The following CTCF variants were observed in gnomAD, a reference collection of about 807,000 sequenced individuals.
The protein encoded by CTCF is transcriptional repressor CTCF.
A neutral mutation model predicts 72.3 loss-of-function variants in CTCF; 7 were observed. The observed-to-expected ratio is 0.10, with a 90% CI of 0.06 to 0.18. The LOEUF (loss-of-function observed/expected upper bound fraction) is 0.18. Among genes scored for constraint, CTCF ranks in the 10% least tolerant of loss-of-function variants. The probability of loss-of-function intolerance (pLI) is 1.00; values close to 1 mark genes in which losing one functional copy is unlikely to be tolerated. For missense variants in CTCF, 516 were observed against 949.1 expected, an observed-to-expected ratio of 0.54 and a Z score of 6.00; for synonymous variants, 374 against 315.8, an observed-to-expected ratio of 1.18 and a Z score of -1.95.
intron 2 of CTCF, among the ~76,000 whole-genome samples, chr16:67,597,202 CT>C (rs1317919209): frequency 1.3e-5 from 2 of 151,962 alleles, no homozygotes; most frequent in African/African-American, 4.8e-5. Context: ...GCCCAGCTGA[CT>C]TTTTGTATTT....
At chr16:67,592,201 C>T (rs2051754001) in intron 2 of CTCF, among the ~76,000 whole-genome samples, 1 of 152,096 alleles carries the variant, frequency 6.6e-6, no homozygotes, top group African/African-American at 2.4e-5. Context: ...CACCTGAGGT[C>T]AGGAGTTTGA....
At chr16:67,591,985 T>C (rs2051750545) in intron 2 of CTCF, among the ~76,000 whole-genome samples, 1 of 152,108 alleles carries the variant, frequency 6.6e-6, no homozygotes, top group Non-Finnish European at 1.5e-5. Context: ...AGTACTGGGA[T>C]TATATGTGTG....
intron 2 of CTCF, among the ~76,000 whole-genome samples, chr16:67,578,325 CT>C (rs944395345): frequency 0.13 from 11,338 of 84,692 alleles, 581 homozygotes; most frequent in African/African-American, 0.3. Flanking sequence ...GTTTATGTAT[CT>C]TTTTTTTTTT....
intron 5 of CTCF, 60 bp downstream of exon 5, chr16:67,616,938 A>G: frequency 1.3e-6 from 2 of 1,568,140 alleles, no homozygotes; most frequent in Non-Finnish European, 1.8e-6. Context: ...ATTTCAATAC[A>G]AAGCTATAAC....
chr16:67,599,808 T>G (rs796106872), intron 2 of CTCF, among the ~76,000 whole-genome samples: 44 of 152,304 alleles, frequency 2.9e-4, no homozygotes, highest in African/African-American at 8.9e-4. Context: ...TTGGGTATAC[T>G]GGAGTTTCTG....
At position 67,638,228 on chromosome 16, in the gene CTCF, T is replaced by G. The variant is rs2052459268; in HGVS notation, c.*356T>G. ...CAGGCTTCCCAGAGTTCTATGGTCT[T>G]CTTCCCAAGAGAGTTTTTAATTGTA... On this transcript the variant is annotated 3_prime_UTR_variant, in exon 12 of 12. Coordinates refer to ENST00000264010, the MANE Select transcript of CTCF (RefSeq NM_006565.4). The G allele has an allele frequency of 3.7e-6, 1 of 269,764 alleles. No homozygotes were observed. The highest frequency in any genetic ancestry group is 2.2e-5 in the African/African-American group (1 of 46,398). The allele number at this position is 269,764 out of a possible 1,614,324, so 16.7% of individuals were successfully genotyped here. A position where few individuals can be genotyped will look rare whatever the true frequency, so the allele number is the denominator to read the frequency against.
intron 2 of CTCF, among the ~76,000 whole-genome samples, chr16:67,593,053 TA>T (rs2051766955): frequency 1.3e-5 from 2 of 148,956 alleles, no homozygotes; most frequent in Admixed American, 1.3e-4. Context: ...TATATATGTA[TA>T]AATGTTTAAT....
rs552308655 is a variant in CTCF at position 67,597,107 on chromosome 16, C to T, written c.-9-13717C>T. On this transcript the variant is annotated intron_variant, in intron 2 of 11. Transcript: ENST00000264010. ...GGAGTACAATGGCACAATCATGGCT[C>T]ACTGCAGCCTCAACCTCCCCAGGTT... Among the ~76,000 whole-genome samples, 7 of 152,224 alleles carry T rather than the reference C, an allele frequency of 4.6e-5. 1 individual carries two copies. The South Asian group carries it at 1.5e-3, about 32-fold the overall frequency.
chr16:67,565,596 C>G (rs1458120170), intron 1 of CTCF, among the ~76,000 whole-genome samples: 3 of 150,226 alleles, frequency 2.0e-5, no homozygotes, highest in Non-Finnish European at 4.4e-5. Context: ...CCGCTCGAAC[C>G]TAGAAGGTGG....
chr16:67,638,029 A>AG lies in CTCF; in HGVS notation c.*157_*158insG, dbSNP rs890595730. The AG allele has an allele frequency of 7.6e-6, 5 of 655,988 alleles. No individual in the cohort carries two copies. The highest frequency in any genetic ancestry group is 3.0e-5 in the Admixed American group (1 of 33,490). The allele number at this position is 655,988 out of a possible 1,614,324, so 40.6% of individuals were successfully genotyped here. A position where few individuals can be genotyped will look rare whatever the true frequency, so the allele number is the denominator to read the frequency against. ...ACTTCAAGGATGATGTTAGAAAAAA[A>AG]TGTGATTTAACTAGAACTTGCTGTC... On this transcript the variant is annotated 3_prime_UTR_variant, in exon 12 of 12. Coordinates refer to ENST00000264010, the MANE Select transcript of CTCF (RefSeq NM_006565.4).
chr16:67,601,392 G>T (rs1194801397), intron 2 of CTCF, among the ~76,000 whole-genome samples: 1 of 151,244 alleles, frequency 6.6e-6, no homozygotes, highest in East Asian at 1.9e-4. Flanking sequence ...AGCCTGGAGT[G>T]CAGTGGCGTG....
intron 10 of CTCF, 125 bp downstream of exon 10, chr16:67,629,658 C>G (rs375358012): frequency 2.5e-6 from 2 of 789,082 alleles, no homozygotes; most frequent in Admixed American, 3.5e-5. Flanking sequence ...TTAAACTTCT[C>G]ATCTCCTAAC....
At chr16:67,575,485 G>A (rs1257844452) in intron 2 of CTCF, among the ~76,000 whole-genome samples, 3 of 151,588 alleles carry the variant, frequency 2.0e-5, no homozygotes, top group East Asian at 3.9e-4. Flanking sequence ...TCGCTCTGTC[G>A]CCAGGCTGGA....
In CTCF at chr16:67,636,791, C is replaced by G; in HGVS notation, c.1939C>G (p.Pro647Ala). The change falls in exon 11 of 12, where the codon CCC becomes GCC. Residue 647 changes from proline to alanine, a missense_variant. This residue lies in a region of CTCF where 157 missense variants were observed against 172.9 expected (regional missense o/e 0.91). Coordinates refer to ENST00000264010, the MANE Select transcript of CTCF (RefSeq NM_006565.4). ...EPQPVTPAPP[P>A]AKKRRGRPPG... ...TCAGCCTGTGACCCCAGCCCCACCA[C>G]CCGCCAAGAAGCGGAGAGGACGACC... 6.2e-7 allele frequency: 1 copy of G among 1,602,800 alleles called. No homozygotes were observed. The highest frequency in any genetic ancestry group is 8.5e-7 in the Non-Finnish European group (1 of 1,174,590).
At chr16:67,566,449 G>T (rs2051343704) in intron 1 of CTCF, among the ~76,000 whole-genome samples, 1 of 144,058 alleles carries the variant, frequency 6.9e-6, no homozygotes, top group African/African-American at 2.6e-5. Flanking sequence ...GGCGGAGGTT[G>T]CAGTGAGTCA....
intron 2 of CTCF, among the ~76,000 whole-genome samples, chr16:67,609,084 C>T (rs994937201): frequency 6.6e-6 from 1 of 152,110 alleles, no homozygotes; most frequent in Non-Finnish European, 1.5e-5. Context: ...TTGGCAGACC[C>T]GGGCACAGTG....
At chr16:67,629,315 AT>A (rs2052331967) in intron 9 of CTCF, 82 bp from the exon 10 acceptor site, 2 of 1,361,760 alleles carry the variant, frequency 1.5e-6, no homozygotes. Flanking sequence ...TAGGCTTAAT[AT>A]GGATTTTATT....
At position 67,626,606 on chromosome 16, in the gene CTCF, G is replaced by A. The variant is rs1259626314; in HGVS notation, c.1409G>A (p.Arg470His). 3 of 1,566,814 alleles carry A rather than the reference G, an allele frequency of 1.9e-6. No individual in the cohort carries two copies. Among genetic ancestry groups the A allele is most frequent in the African/African-American group, 1.4e-5 (1 of 72,966 alleles). ...TATATTGAGCAAGGCAAGAAATGCC[G>A]TTACTGTGATGCTGTGTTTCATGAG... ...HSYIEQGKKC[R>H]YCDAVFHERY... Residue 470 changes from arginine to histidine, a missense_variant, in exon 8 of 12, where the codon CGT (arginine) becomes CAT (histidine). Physicochemically the swap from Arg to His is conservative, Grantham distance 29. This residue lies in a region of CTCF where 81 missense variants were observed against 184.3 expected (regional missense o/e 0.44). Transcript: ENST00000264010.
In CTCF at chr16:67,611,039, C is replaced by A; in HGVS notation, c.207C>A (p.Thr69=). The A allele has an allele frequency of 6.2e-7, 1 of 1,614,136 alleles. No homozygotes were observed. Among genetic ancestry groups the A allele is most frequent in the Non-Finnish European group, 8.5e-7 (1 of 1,180,014 alleles). The part of the protein sequence containing the change: ...QMVMMEQLDP[T]LLQMKTEVME... Reference sequence around the variant, plus strand: ...TGATGATGGAACAGCTGGACCCCACCCTTCTTCAGATGAAGACTGAAGTAA... The same window carrying A: ...TGATGATGGAACAGCTGGACCCCACACTTCTTCAGATGAAGACTGAAGTAA... Residue 69 remains threonine (T), a synonymous_variant, in exon 3 of 12, where the codon ACC becomes ACA. Transcript: ENST00000264010.
Sources: gnomAD v4.1 joint callset for allele counts (sites outside exome capture counted in the v4.1 genomes callset) on GRCh38, gnomAD v4.1.1 for gene constraint, gnomAD v4.1.1 regional missense constraint, MANE v1.5 for transcripts, NCBI Gene and HGNC (gene_info 2026-07-23, HGNC 2026-07-21) for gene names.